The following GPATCH2L variants were observed in gnomAD, a reference collection of about 807,000 sequenced individuals.
The protein encoded by GPATCH2L is G-patch domain containing 2 like.
Under a neutral mutation model 57.4 loss-of-function variants are expected in GPATCH2L, and 31 were observed. That is an observed-to-expected ratio of 0.54 (90% CI 0.41 to 0.73). The LOEUF (loss-of-function observed/expected upper bound fraction) is 0.73, where lower values mean the gene tolerates loss of function less well. Ranked by LOEUF, GPATCH2L falls within the 30% of genes least tolerant of loss-of-function variation. The pLI is 0.00. For missense variants in GPATCH2L, 481 were observed against 599.9 expected, an observed-to-expected ratio of 0.80 and a Z score of 2.07; for synonymous variants, 199 against 210.7, an observed-to-expected ratio of 0.94 and a Z score of 0.48.
intron 9 of GPATCH2L, chr14:76,196,191 C>A: frequency 1.5e-6 from 1 of 661,602 alleles, no homozygotes; most frequent in Non-Finnish European, 2.7e-6. Flanking sequence ...GAGTTTGAAA[C>A]CCTATATTCC....
In GPATCH2L at chr14:76,172,361, TA is replaced by T. The variant is rs1424091505; in HGVS notation, c.904+344del. On this transcript the variant is annotated intron_variant, in intron 4 of 9. Transcript: ENST00000261530. ...GATTTTGGAAGAGAACAGATTTCAA[TA>T]AGAACATTCACATACATATTCTTAT... is the stretch of plus-strand genomic sequence containing the variant. Among the ~76,000 whole-genome samples, 3 of 152,238 alleles carry T rather than the reference TA, an allele frequency of 2.0e-5. No individual in the cohort carries two copies. In the South Asian group the frequency reaches 6.2e-4, roughly 31 times the overall value.
intron 1 of GPATCH2L, among the ~76,000 whole-genome samples, chr14:76,153,376 T>C (rs2038145550): frequency 6.6e-6 from 1 of 152,266 alleles, no homozygotes; most frequent in Non-Finnish European, 1.5e-5. Context: ...AGATTGCTCC[T>C]ACTACTGTCA....
chr14:76,234,268 G>A (rs2040587948), intron 2 of GPATCH2L, among the ~76,000 whole-genome samples: 2 of 152,030 alleles, frequency 1.3e-5, no homozygotes, highest in South Asian at 4.2e-4. Flanking sequence ...TTTCCTCTAA[G>A]ACATGGCTTA....
intron 2 of GPATCH2L, among the ~76,000 whole-genome samples, chr14:76,164,196 T>C (rs2038725682): frequency 1.3e-5 from 2 of 152,158 alleles, no homozygotes; most frequent in Non-Finnish European, 2.9e-5. Flanking sequence ...TCTCAAGTAG[T>C]TTCCCTAAAT....
chr14:76,181,698 T>C (rs2039565998), intron 8 of GPATCH2L, among the ~76,000 whole-genome samples: 1 of 152,122 alleles, frequency 6.6e-6, no homozygotes, highest in African/African-American at 2.4e-5. Context: ...ATAAATTCTT[T>C]TAGGTGACAT....
intron 9 of GPATCH2L, 177 bp downstream of exon 9, chr14:76,196,149 T>C (rs1772510422): frequency 2.8e-6 from 2 of 705,572 alleles, no homozygotes. Flanking sequence ...GACTCTGAAG[T>C]CTGTGCTTTT....
At chr14:76,235,166 C>T (rs2040592639) in intron 2 of GPATCH2L, among the ~76,000 whole-genome samples, 3 of 122,232 alleles carry the variant, frequency 2.5e-5, no homozygotes, top group Non-Finnish European at 5.0e-5. Flanking sequence ...GAAACTCTGT[C>T]TCAAAAAAAA....
intron 9 of GPATCH2L, among the ~76,000 whole-genome samples, chr14:76,197,460 A>G (rs2040191345): frequency 6.6e-6 from 1 of 152,136 alleles, no homozygotes; most frequent in Admixed American, 6.5e-5. Flanking sequence ...ACAAGACTTG[A>G]GCATTAAGCA....
chr14:76,200,526 T>C (rs2040284571), intron 9 of GPATCH2L, among the ~76,000 whole-genome samples: 1 of 152,178 alleles, frequency 6.6e-6, no homozygotes, highest in Non-Finnish European at 1.5e-5. Flanking sequence ...TTGTCAAATG[T>C]ATTTCCTGCT....
chr14:76,218,310 A>G (rs1345410347), downstream of GPATCH2L, among the ~76,000 whole-genome samples: 4 of 152,170 alleles, frequency 2.6e-5, no homozygotes, highest in Admixed American at 2.6e-4. Flanking sequence ...CTTAGAAACT[A>G]AAGAAGACTA....
At chr14:76,187,025 G>GT (rs34797876) in intron 8 of GPATCH2L, among the ~76,000 whole-genome samples, 33,637 of 147,862 alleles carry the variant, frequency 0.23, 4,487 homozygotes, top group African/African-American at 0.38. Flanking sequence ...ATTGTGAAGT[G>GT]TTTTTTTTTT....
chr14:76,217,632 A>G (rs952379575), downstream of GPATCH2L, among the ~76,000 whole-genome samples: 1 of 149,256 alleles, frequency 6.7e-6, no homozygotes, highest in Non-Finnish European at 1.5e-5. Context: ...ACAGTAAGCA[A>G]ACTAAAATAC....
At chr14:76,184,913 C>T (rs2039708479) in intron 8 of GPATCH2L, among the ~76,000 whole-genome samples, 1 of 152,194 alleles carries the variant, frequency 6.6e-6, no homozygotes, top group African/African-American at 2.4e-5. Context: ...AACTGTTGTC[C>T]TAAATGCATA....
In GPATCH2L at chr14:76,205,974, C is replaced by T. The variant is rs977213297; in HGVS notation, c.*4123C>T. The T allele has an allele frequency of 8.5e-5, 13 of 152,716 alleles. No homozygotes were observed. The highest frequency in any genetic ancestry group is 5.9e-4 in the Admixed American group (9 of 15,298). 9.5% of individuals were successfully genotyped at this position (152,716 alleles called of 1,614,324 possible). On this transcript the variant is annotated 3_prime_UTR_variant, in exon 10 of 10. Coordinates refer to ENST00000261530, the MANE Select transcript of GPATCH2L (RefSeq NM_017926.4). ...GTCTTGTGAACCTATCTGAGCTGGGCTGAGAGCAGAGTGGCTTACTGTAGC... is the reference window on the plus strand; with the variant it reads ...GTCTTGTGAACCTATCTGAGCTGGGTTGAGAGCAGAGTGGCTTACTGTAGC...
chr14:76,169,126 C>G (rs1027986368), intron 3 of GPATCH2L, among the ~76,000 whole-genome samples: 3 of 152,282 alleles, frequency 2.0e-5, no homozygotes, highest in South Asian at 2.1e-4. Context: ...TTCATTACAT[C>G]TCTGCAATGA....
intron 6 of GPATCH2L, 27 bp from the exon 7 acceptor site, chr14:76,177,961 T>G (rs1430980604): frequency 1.9e-6 from 3 of 1,603,000 alleles, no homozygotes; most frequent in Non-Finnish European, 2.6e-6. Context: ...TCATCTTTAT[T>G]TTATCATTTG....
intron 3 of GPATCH2L, among the ~76,000 whole-genome samples, chr14:76,169,029 C>T (rs547187294): frequency 1.3e-5 from 2 of 152,340 alleles, no homozygotes; most frequent in African/African-American, 4.8e-5. Flanking sequence ...GTAAGGGCCT[C>T]CTGCTGTGCT....
chr14:76,199,367 T>G (rs1022320149), intron 9 of GPATCH2L, among the ~76,000 whole-genome samples: 4 of 152,176 alleles, frequency 2.6e-5, no homozygotes, highest in Admixed American at 6.5e-5. Context: ...CTTGTGTATA[T>G]GAAATCAAAG....
At chr14:76,158,170 G>C (rs1178544354) in intron 2 of GPATCH2L, among the ~76,000 whole-genome samples, 1 of 151,714 alleles carries the variant, frequency 6.6e-6, no homozygotes, top group African/African-American at 2.4e-5. Context: ...GATGGCCAGA[G>C]GTCACATTCA....
Sources: gnomAD v4.1 joint callset for allele counts (sites outside exome capture counted in the v4.1 genomes callset) on GRCh38, gnomAD v4.1.1 for gene constraint, MANE v1.5 for transcripts, NCBI Gene and HGNC (gene_info 2026-07-23, HGNC 2026-07-21) for gene names.